HHIP: variants seen among roughly 807,000 people sequenced by gnomAD.
The protein encoded by HHIP is hedgehog-interacting protein.
In HHIP, 12 loss-of-function variants were observed where a neutral mutation model predicts 74.0. The observed-to-expected ratio is 0.16, with a 90% CI of 0.10 to 0.26. The LOEUF is 0.26. Among genes scored for constraint, HHIP ranks in the 10% least tolerant of loss-of-function variants. The probability of loss-of-function intolerance (pLI) is 1.00; values close to 1 mark genes in which losing one functional copy is unlikely to be tolerated. For missense variants in HHIP, 788 were observed against 845.0 expected (o/e 0.93, Z 0.84); for synonymous variants, 309 against 311.6 (o/e 0.99, Z 0.09).
intron 11 of HHIP, 97 bp from the exon 12 acceptor site, chr4:144,734,644 G>T: frequency 2.1e-6 from 2 of 945,186 alleles, no homozygotes; most frequent in Admixed American, 2.7e-5. Flanking sequence ...TCTCTAGAAA[G>T]TAAGAGGCAT....
In HHIP at chr4:144,652,637, G is replaced by A. The variant is rs886082737; in HGVS notation, c.312G>A (p.Gly104=). Residue 104 remains glycine (G), a synonymous_variant, in exon 2 of 13, where the codon GGG becomes GGA. Coordinates refer to ENST00000296575, the MANE Select transcript of HHIP (RefSeq NM_022475.3). ...CTGTTACCAACAACACAGAATGTGG[G>A]AAGTTACTGGAGGAAATCAAATGTG... ...IFSVTNNTEC[G]KLLEEIKCAL... 4 of 1,609,884 alleles carry A rather than the reference G, an allele frequency of 2.5e-6. No homozygotes were observed. The highest frequency in any genetic ancestry group is 3.4e-6 in the Non-Finnish European group (4 of 1,177,920).
At chr4:144,678,125 T>A (rs1729225095) in intron 4 of HHIP, among the ~76,000 whole-genome samples, 1 of 152,188 alleles carries the variant, frequency 6.6e-6, no homozygotes, top group South Asian at 2.1e-4. Context: ...TTTGTAAAAT[T>A]TCTATTTTAT....
intron 4 of HHIP, among the ~76,000 whole-genome samples, chr4:144,685,061 A>G (rs971220900): frequency 6.6e-5 from 10 of 152,156 alleles, no homozygotes; most frequent in African/African-American, 2.2e-4. Flanking sequence ...CTCAACTTAC[A>G]CTGACATTCC....
intron 4 of HHIP, among the ~76,000 whole-genome samples, chr4:144,672,688 A>T (rs1269897376): frequency 6.7e-6 from 1 of 149,198 alleles, no homozygotes; most frequent in Non-Finnish European, 1.5e-5. Context: ...ATTTTGTATT[A>T]TTTTTTTAAT....
At position 144,742,737 on chromosome 4, in the gene HHIP, TA is replaced by T. The variant is rs1365160938; in HGVS notation, c.*4785del. 6.7e-6 allele frequency: 1 copy of T among 150,092 alleles called. No homozygotes were observed. The highest frequency in any genetic ancestry group is 1.5e-5 in the Non-Finnish European group (1 of 67,576). 9.3% of individuals were successfully genotyped at this position (150,092 alleles called of 1,614,324 possible). A position where few individuals can be genotyped will look rare whatever the true frequency, so the allele number is the denominator to read the frequency against. On this transcript the variant is annotated 3_prime_UTR_variant, in exon 13 of 13. Coordinates refer to ENST00000296575, the MANE Select transcript of HHIP (RefSeq NM_022475.3). ...TCAGAAAGTTTATCTTTAAAATACC[TA>T]AAAATAAATATATATTTGCTATCTT...
chr4:144,646,899 G>T lies in HHIP; in HGVS notation c.224G>T (p.Arg75Leu). 1 of 1,614,018 alleles carries T rather than the reference G, an allele frequency of 6.2e-7. No homozygotes were observed. The highest frequency in any genetic ancestry group is 1.1e-5 in the South Asian group (1 of 91,064). ...GEMLCGGFYPRLSCCLRSDSP... is the reference protein window; with the variant it reads ...GEMLCGGFYPLLSCCLRSDSP... ...ATGCTGTGCGGTGGCTTCTACCCTC[G>T]GCTGTCCTGCTGCCTGCGGAGTGAC... The change falls in exon 1 of 13, where the codon CGG (arginine) becomes CTG (leucine). Residue 75 changes from arginine (R) to leucine (L), a missense_variant. By Grantham distance (102) the Arg-to-Leu change is moderately radical. This residue lies in a region of HHIP where 373 missense variants were observed against 366.4 expected (regional missense o/e 1.02). Transcript: ENST00000296575.
intron 4 of HHIP, among the ~76,000 whole-genome samples, chr4:144,673,969 T>C (rs1729110433): frequency 6.6e-6 from 1 of 152,206 alleles, no homozygotes; most frequent in Non-Finnish European, 1.5e-5. Context: ...AAATTAGATG[T>C]GAAAAATTGA....
intron 10 of HHIP, among the ~76,000 whole-genome samples, chr4:144,716,854 GAAAAAAAAAAAA>G (rs869028218): frequency 1.1e-3 from 59 of 54,654 alleles, no homozygotes; most frequent in African/African-American, 2.3e-3. Flanking sequence ...CGTCTCAAAA[GAAAAAAAAAAAA>G]AAAAAAAAAA....
Position 144,715,430 on chromosome 4 carries a change from G to C in HHIP, c.1678G>C (p.Gly560Arg). The C allele has an allele frequency of 1.2e-6, 2 of 1,612,894 alleles. No individual in the cohort carries two copies. Among genetic ancestry groups the C allele is most frequent in the Non-Finnish European group, 1.7e-6 (2 of 1,179,212 alleles). ...CTTGGGATTTGGAGAAGATGAACTAGGTACTGTACAATCTAGTTCTGTTAA... is the reference window on the plus strand; with the variant it reads ...CTTGGGATTTGGAGAAGATGAACTACGTACTGTACAATCTAGTTCTGTTAA... ...HILGFGEDEL[G>R]EVYILSSSKS... Residue 560 changes from glycine to arginine, a missense_variant and splice_region_variant, in exon 10 of 13, where the codon GGT (glycine) becomes CGT (arginine). Physicochemically the swap from Gly to Arg is moderately radical, Grantham distance 125. Coordinates refer to ENST00000296575, the MANE Select transcript of HHIP (RefSeq NM_022475.3).
chr4:144,728,009 C>T (rs1578728959), intron 11 of HHIP, among the ~76,000 whole-genome samples: 1 of 152,182 alleles, frequency 6.6e-6, no homozygotes, highest in Non-Finnish European at 1.5e-5. Flanking sequence ...AAAGCTGACC[C>T]TCTCTCATGA....
At position 144,703,186 on chromosome 4, in the gene HHIP, C is replaced by G. The variant is rs931451389; in HGVS notation, c.832-3345C>G. 4.0e-5 allele frequency among the ~76,000 whole-genome samples: 6 copies of G among 150,206 alleles called. No homozygotes were observed. In the Admixed American group the frequency reaches 4.0e-4, roughly 10 times the overall value. Reference sequence around the variant, plus strand: ...CCGAGATTGCGCCACTGCACTCCAGCCTGGGCAAAAAGAATGAAACTCCAT... The same window carrying G: ...CCGAGATTGCGCCACTGCACTCCAGGCTGGGCAAAAAGAATGAAACTCCAT... On this transcript the variant is annotated intron_variant, in intron 4 of 12. Transcript: ENST00000296575.
At chr4:144,729,257 G>A (rs927097022) in intron 11 of HHIP, among the ~76,000 whole-genome samples, 4 of 152,110 alleles carry the variant, frequency 2.6e-5, no homozygotes, top group Non-Finnish European at 5.9e-5. Context: ...TAAAAATGAT[G>A]AGTGGTCAAG....
chr4:144,688,044 G>A (rs1438782400), intron 4 of HHIP, among the ~76,000 whole-genome samples: 1 of 151,976 alleles, frequency 6.6e-6, no homozygotes, highest in Non-Finnish European at 1.5e-5. Flanking sequence ...CAAATTTTAT[G>A]TCTAATAATT....
At chr4:144,706,403 A>G in intron 4 of HHIP, 128 bp from the exon 5 acceptor site, 1 of 707,868 alleles carries the variant, frequency 1.4e-6, no homozygotes, top group Non-Finnish European at 2.3e-6. Context: ...GTAGGCAAGG[A>G]AGAAAAGAAA....
intron 4 of HHIP, among the ~76,000 whole-genome samples, chr4:144,665,718 T>C (rs1274618456): frequency 1.3e-5 from 2 of 152,210 alleles, no homozygotes; most frequent in Admixed American, 1.3e-4. Context: ...TGCATTTATG[T>C]GGTTATGCCA....
intron 1 of HHIP, among the ~76,000 whole-genome samples, chr4:144,649,017 A>G (rs1728347226): frequency 6.6e-6 from 1 of 152,202 alleles, no homozygotes; most frequent in African/African-American, 2.4e-5. Context: ...CAAATTGTTC[A>G]AAACAGAGAT....
At chr4:144,725,487 C>T (rs1241434406) in intron 11 of HHIP, among the ~76,000 whole-genome samples, 1 of 151,960 alleles carries the variant, frequency 6.6e-6, no homozygotes, top group Non-Finnish European at 1.5e-5. Context: ...TAAATTTCTA[C>T]CTTTGTATGA....
intron 11 of HHIP, among the ~76,000 whole-genome samples, chr4:144,722,415 TA>T (rs1310959036): frequency 6.6e-6 from 1 of 152,244 alleles, no homozygotes; most frequent in African/African-American, 2.4e-5. Context: ...GGTGTTTAAA[TA>T]ATCTATTTTA....
In HHIP at chr4:144,744,037, T is replaced by A. The variant is rs927494169; in HGVS notation, c.*6080T>A. ...TGAAGAAACCAAGTTGACTACCTTA[T>A]GAGAGATCAGATATTTCCCTTATCT... On this transcript the variant is annotated 3_prime_UTR_variant, in exon 13 of 13. Transcript: ENST00000296575. The A allele has an allele frequency of 2.6e-5, 4 of 152,150 alleles. No homozygotes were observed. Among genetic ancestry groups the A allele is most frequent in the Non-Finnish European group, 5.9e-5 (4 of 67,996 alleles). 9.4% of individuals were successfully genotyped at this position (152,150 alleles called of 1,614,324 possible). A position where few individuals can be genotyped will look rare whatever the true frequency, so the allele number is the denominator to read the frequency against.
Sources: allele counts gnomAD v4.1 joint callset (sites outside exome capture counted in the v4.1 genomes callset), GRCh38; gene constraint gnomAD v4.1.1; regional missense constraint gnomAD v4.1.1; transcripts MANE v1.5; gene names NCBI Gene and HGNC (gene_info 2026-07-23, HGNC 2026-07-21).